The following BRCA1 variants were observed in gnomAD, a reference collection of about 807,000 sequenced individuals.
BRCA1 encodes BRCA1 DNA repair associated, also known as breast cancer type 1 susceptibility protein.
A neutral mutation model predicts 173.7 loss-of-function variants in BRCA1; 140 were observed. The observed-to-expected ratio is 0.81, with a 90% CI of 0.70 to 0.93. The LOEUF is 0.93. BRCA1 is among the 40% of genes least tolerant of loss of function. The probability of loss-of-function intolerance (pLI) is 0.00; values close to 1 mark genes in which losing one functional copy is unlikely to be tolerated. For missense variants in BRCA1, 1,983 were observed against 2,172.5 expected, an observed-to-expected ratio of 0.91 and a Z score of 1.73; for synonymous variants, 662 against 756.0, an observed-to-expected ratio of 0.88 and a Z score of 2.04.
intron 16 of BRCA1, among the ~76,000 whole-genome samples, chr17:43,066,833 T>G (rs1370611258): frequency 6.7e-6 from 1 of 148,444 alleles, no homozygotes; most frequent in African/African-American, 2.6e-5. Context: ...TTTTTTTTTT[T>G]TGAGACAAGA....
chr17:43,110,383 C>T (rs1158587038), intron 3 of BRCA1: 4 of 228,192 alleles, frequency 1.8e-5, no homozygotes, highest in African/African-American at 9.1e-5. Flanking sequence ...GCCCAAAGTT[C>T]AAGACCAGCC....
chr17:43,063,335 C>T lies in BRCA1; in HGVS notation c.5191G>A (p.Glu1731Lys), dbSNP rs397507244. The change falls in exon 18 of 23, where the codon GAG becomes AAG. Residue 1731 changes from glutamate (E) to lysine (K), a missense_variant and splice_region_variant. By Grantham distance (56) the Glu-to-Lys change is moderately conservative (BLOSUM62 1). Transcript: ENST00000357654. Reference sequence around the variant, plus strand: ...AGTTTGTAACATCAAGTACTTACCTCATTCAGCATTTTTCTTTCTTTAATA... The same window carrying T: ...AGTTTGTAACATCAAGTACTTACCTTATTCAGCATTTTTCTTTCTTTAATA... Reference protein sequence around the residue: ...QSIKERKMLNEHDFEVRGDVV... With the variant: ...QSIKERKMLNKHDFEVRGDVV... 6.2e-7 allele frequency: 1 copy of T among 1,609,024 alleles called. No individual in the cohort carries two copies. The highest frequency in any genetic ancestry group is 2.2e-5 in the East Asian group (1 of 44,858).
rs1347188465 is a variant in BRCA1, at chr17:43,142,910, ATT to A, written c.-19-18797_-19-18796del. ...AGGCATGTGCCACCATGCCCGGCTA[ATT>A]TTTGTGTGTGTGTGTGTGTGTGTGT... On this transcript the variant is annotated intron_variant, in intron 1 of 7. Coordinates refer to the BRCA1 transcript ENST00000634433. Among the ~76,000 whole-genome samples the A allele has an allele frequency of 3.0e-4, 43 of 141,552 alleles. No homozygotes were observed. The South Asian group carries it at 3.3e-3, about 11-fold the overall frequency. 92.9% of individuals were successfully genotyped at this position (141,552 alleles called of 152,430 possible). A position where few individuals can be genotyped will look rare whatever the true frequency, so the allele number is the denominator to read the frequency against.
Position 43,074,920 on chromosome 17 carries a change from AGAAAGAAAGGAAAG to A in BRCA1, c.4485-413_4485-400del, listed in dbSNP as rs566416929. Among the ~76,000 whole-genome samples, 974 of 151,826 alleles carry A rather than the reference AGAAAGAAAGGAAAG, an allele frequency of 6.4e-3. 16 individuals carry two copies. Among genetic ancestry groups the A allele is most frequent in the African/African-American group, 0.022 (906 of 41,374 alleles). ...TGAGTGACAGAGCAAGACTCTGTCA[AGAAAGAAAGGAAAG>A]GAAAGAAAGGAAAGAAAAGGAAAGG... On this transcript the variant is annotated intron_variant, in intron 13 of 22. Transcript: ENST00000357654.
intron 6 of BRCA1, among the ~76,000 whole-genome samples, chr17:43,103,384 T>C (rs979697319): frequency 6.6e-6 from 1 of 151,754 alleles, no homozygotes; most frequent in Non-Finnish European, 1.5e-5. Context: ...GGAGAATCAC[T>C]TGAACCTGGG....
intron 22 of BRCA1, among the ~76,000 whole-genome samples, chr17:43,046,706 G>A (rs965184802): frequency 1.3e-5 from 2 of 148,386 alleles, no homozygotes; most frequent in African/African-American, 2.5e-5. Flanking sequence ...AGTGAGCCAA[G>A]ACTGGGCCAC....
Position 43,094,654 on chromosome 17 carries a change from T to C in BRCA1, c.877A>G (p.Thr293Ala), listed in dbSNP as rs1555592945. ...LQHENSSLLL[T>A]KDRMNVEKAE... ...TTTTCTACATTCATTCTGTCTTTAGTGAGTAATAAACTGCTGTTCTCATGC... is the reference window on the plus strand; with the variant it reads ...TTTTCTACATTCATTCTGTCTTTAGCGAGTAATAAACTGCTGTTCTCATGC... Residue 293 changes from threonine (T) to alanine (A), a missense_variant, in exon 10 of 23, where the codon ACT becomes GCT. Coordinates refer to ENST00000357654, the MANE Select transcript of BRCA1 (RefSeq NM_007294.4). 1 of 1,614,186 alleles carries C rather than the reference T, an allele frequency of 6.2e-7. No individual in the cohort carries two copies. Among genetic ancestry groups the C allele is most frequent in the Non-Finnish European group, 8.5e-7 (1 of 1,180,034 alleles).
chr17:43,064,038 T>C, intron 16 of BRCA1, 87 bp from the exon 17 acceptor site: 1 of 1,094,334 alleles, frequency 9.1e-7, no homozygotes, highest in Non-Finnish European at 1.4e-6. Flanking sequence ...CCTCAGTTTT[T>C]TACACTCCCA....
intron 19 of BRCA1, among the ~76,000 whole-genome samples, chr17:43,052,818 C>CAA (rs2051304166): frequency 8.9e-6 from 1 of 112,294 alleles, no homozygotes; most frequent in African/African-American, 3.3e-5. Context: ...CACACACACA[C>CAA]ACACACTCTC....
chr17:43,056,520 C>T (rs1291864281), intron 19 of BRCA1, among the ~76,000 whole-genome samples: 3 of 152,018 alleles, frequency 2.0e-5, no homozygotes, highest in South Asian at 2.1e-4. Context: ...TGGCTGGGCA[C>T]GGTGGCTCAC....
intron 2 of BRCA1, among the ~76,000 whole-genome samples, chr17:43,120,391 AT>A (rs1169773603): frequency 6.6e-6 from 1 of 152,254 alleles, no homozygotes; most frequent in Non-Finnish European, 1.5e-5. Context: ...AAATTGTGCT[AT>A]ACTGTACTAT....
intron 2 of BRCA1, among the ~76,000 whole-genome samples, chr17:43,117,575 C>T (rs368967902): frequency 3.0e-4 from 46 of 152,226 alleles, no homozygotes; most frequent in African/African-American, 9.4e-4. Context: ...GCTGTCTCTA[C>T]TAAAAATACC....
Position 43,092,901 on chromosome 17 carries a change from T to C in BRCA1, c.2630A>G (p.Asn877Ser), listed in dbSNP as rs786203689. 23 of 1,613,926 alleles carry C rather than the reference T, an allele frequency of 1.4e-5. No homozygotes were observed. Among genetic ancestry groups the C allele is most frequent in the Non-Finnish European group, 1.9e-5 (22 of 1,179,984 alleles). ...GAATGTTGCACATTCCTCTTCTGCA[T>C]TTCCTGGATTTGAAAACGGAGCAAA... is the stretch of plus-strand genomic sequence containing the variant. The part of the protein sequence containing the change: ...QSFAPFSNPG[N>S]AEEECATFSA... Residue 877 changes from asparagine (N) to serine (S), a missense_variant, in exon 10 of 23, where the codon AAT becomes AGT. Asn to Ser is a conservative substitution (Grantham distance 46, BLOSUM62 1). Coordinates refer to ENST00000357654, the MANE Select transcript of BRCA1 (RefSeq NM_007294.4).
chr17:43,157,619 C>G (rs2056205719), intron 1 of BRCA1, among the ~76,000 whole-genome samples: 1 of 151,980 alleles, frequency 6.6e-6, no homozygotes, highest in Non-Finnish European at 1.5e-5. Flanking sequence ...GCACTTGAAC[C>G]TGGGAGGTAG....
chr17:43,159,338 C>T (rs368488551), intron 1 of BRCA1: 325 of 160,970 alleles, frequency 2.0e-3, no homozygotes, highest in Middle Eastern at 0.012. Context: ...CACCTCCCTC[C>T]GGGACGGGGC....
intron 1 of BRCA1, chr17:43,153,675 GTC>G: frequency 6.6e-6 from 1 of 152,136 alleles, no homozygotes; most frequent in Non-Finnish European, 1.5e-5. Context: ...AATCCCATCA[GTC>G]TCTCTGATTC....
intron 1 of BRCA1, among the ~76,000 whole-genome samples, chr17:43,141,911 C>T (rs2056078405): frequency 3.3e-5 from 5 of 152,086 alleles, no homozygotes; most frequent in African/African-American, 1.2e-4. Context: ...GATCTCTACT[C>T]TTGGCTTCTT....
At chr17:43,119,125 C>T (rs977148082) in intron 2 of BRCA1, 5 of 214,940 alleles carry the variant, frequency 2.3e-5, no homozygotes, top group African/African-American at 1.1e-4. Flanking sequence ...ACTAACCTGG[C>T]AGTGTGACAA....
At chr17:43,160,044 T>A (rs1254354460) in intron 1 of BRCA1, 1 of 144,680 alleles carries the variant, frequency 6.9e-6, no homozygotes, top group Non-Finnish European at 1.5e-5. Flanking sequence ...CATCCATGAT[T>A]TTTTTTTTTT....
Sources: allele counts gnomAD v4.1 joint callset (sites outside exome capture counted in the v4.1 genomes callset), GRCh38; gene constraint gnomAD v4.1.1; transcripts MANE v1.5; gene names NCBI Gene and HGNC (gene_info 2026-07-23, HGNC 2026-07-21).